Variants in SLC22A16 observed in about 807,000 individuals in gnomAD.
SLC22A16 encodes solute carrier family 22 member 16, also known as WUGSC:RG331P03.1.
A neutral mutation model predicts 52.9 loss-of-function variants in SLC22A16; 53 were observed. The ratio of observed to expected loss-of-function variants is 1.00; its 90% confidence interval spans 0.80 to 1.26. The LOEUF (loss-of-function observed/expected upper bound fraction) is 1.26, where lower values mean the gene tolerates loss of function less well. Ranked by LOEUF, SLC22A16 falls within the 50% of genes most tolerant of loss-of-function variation. The probability of loss-of-function intolerance (pLI) is 0.00; values close to 1 mark genes in which losing one functional copy is unlikely to be tolerated. For missense variants in SLC22A16, 726 were observed against 704.0 expected (o/e 1.03, Z -0.35); for synonymous variants, 291 against 268.8 (o/e 1.08, Z -0.81).
chr6:110,452,615 G>T (rs1368108820), intron 2 of SLC22A16, among the ~76,000 whole-genome samples: 2 of 152,130 alleles, frequency 1.3e-5, no homozygotes, highest in Non-Finnish European at 2.9e-5. Flanking sequence ...CAGGAGAATT[G>T]CTTGAGCCCA....
rs555935869 is a variant in SLC22A16, at chr6:110,456,652, G to A, written c.419C>T (p.Ala140Val). ...IYDQNTWKST[A>V]VTQWNLVCDR... ...ACAGACCAGGTTCCACTGGGTCACC[G>A]CAGTGCTTTTCCATGTGTTCTGGTC... The change falls in exon 2 of 8, where the codon GCG (alanine) becomes GTG (valine). Residue 140 changes from alanine (A) to valine (V), a missense_variant. Coordinates refer to ENST00000368919, the MANE Select transcript of SLC22A16 (RefSeq NM_033125.4). 3.6e-4 allele frequency: 577 copies of A among 1,614,138 alleles called. 7 individuals are homozygous for A. In the South Asian group the frequency reaches 4.0e-3, roughly 11 times the overall value.
intron 1 of SLC22A16, among the ~76,000 whole-genome samples, chr6:110,464,056 C>A (rs1264405017): frequency 6.6e-6 from 1 of 151,818 alleles, no homozygotes; most frequent in Non-Finnish European, 1.5e-5. Flanking sequence ...TTTGGGTAAA[C>A]CATAAAATCA....
intron 1 of SLC22A16, among the ~76,000 whole-genome samples, chr6:110,463,272 T>C (rs185524388): frequency 1.7e-3 from 265 of 151,944 alleles, no homozygotes; most frequent in African/African-American, 6.1e-3. Flanking sequence ...ACCTCACATA[T>C]CATTATTAAC....
In SLC22A16 at chr6:110,454,811, T is replaced by TATAATATATATA. The variant is rs1775557586; in HGVS notation, c.533+1726_533+1727insTATATATATTAT. 3.5e-3 allele frequency among the ~76,000 whole-genome samples: 68 copies of TATAATATATATA among 19,380 alleles called. 4 individuals are homozygous for TATAATATATATA. The highest frequency in any genetic ancestry group is 5.9e-3 in the Admixed American group (7 of 1,182). The allele number at this position is 19,380 out of a possible 152,430, so 12.7% of individuals were successfully genotyped here. A position where few individuals can be genotyped will look rare whatever the true frequency, so the allele number is the denominator to read the frequency against. Reference sequence around the variant, plus strand: ...ATATAAATATATATAATATATATATTATATATGTTATATTATATAATATAT... The same window carrying TATAATATATATA: ...ATATAAATATATATAATATATATATTATAATATATATAATATATGTTATATTATATAATATAT... On this transcript the variant is annotated intron_variant, in intron 2 of 7. Transcript: ENST00000368919.
intron 2 of SLC22A16, among the ~76,000 whole-genome samples, chr6:110,452,855 T>A (rs989406457): frequency 1.3e-5 from 2 of 152,226 alleles, no homozygotes; most frequent in Non-Finnish European, 2.9e-5. Context: ...GTTGATTGTA[T>A]GAATTTTGTC....
At chr6:110,450,611 C>CTTCTCA (rs1775340056) in intron 2 of SLC22A16, among the ~76,000 whole-genome samples, 1 of 48,734 alleles carries the variant, frequency 2.1e-5, no homozygotes, top group African/African-American at 7.0e-5. Flanking sequence ...GACATCTTCT[C>CTTCTCA]AAAAAAAAAA....
chr6:110,443,608 C>A (rs1056628740), intron 3 of SLC22A16, among the ~76,000 whole-genome samples: 1 of 152,010 alleles, frequency 6.6e-6, no homozygotes, highest in African/African-American at 2.4e-5. Context: ...AATGGCACAG[C>A]CTCTAGGAAA....
At chr6:110,455,160 T>G (rs978261824) in intron 2 of SLC22A16, among the ~76,000 whole-genome samples, 23 of 149,434 alleles carry the variant, frequency 1.5e-4, no homozygotes, top group Middle Eastern at 6.8e-3. Flanking sequence ...ACTAAATTTA[T>G]TTTCAGTTAA....
chr6:110,438,672 C>G (rs780455585), intron 5 of SLC22A16, 48 bp downstream of exon 5: 8 of 1,571,570 alleles, frequency 5.1e-6, no homozygotes, highest in Non-Finnish European at 6.9e-6. Context: ...TTCTTCCCAT[C>G]AAACTGTCAC....
intron 2 of SLC22A16, among the ~76,000 whole-genome samples, chr6:110,454,663 ATATT>A (rs1161876780): frequency 2.2e-5 from 1 of 45,380 alleles, no homozygotes; most frequent in African/African-American, 1.6e-4. Flanking sequence ...TATATTATAT[ATATT>A]TATATATATT....
rs186199147 is a variant in SLC22A16, at chr6:110,451,139, T to C, written c.534-4149A>G. Among the ~76,000 whole-genome samples the C allele has an allele frequency of 4.5e-4, 68 of 152,364 alleles. 1 individual carries two copies. The East Asian group carries it at 0.012, about 28-fold the overall frequency. ...ATTCATCTATGTTGTTTCATGTAGC[T>C]GTGTCTCATTCATTTTCATGTCCAC... On this transcript the variant is annotated intron_variant, in intron 2 of 7. Transcript: ENST00000368919.
At chr6:110,470,774 C>A (rs984457809) in intron 1 of SLC22A16, among the ~76,000 whole-genome samples, 2 of 152,118 alleles carry the variant, frequency 1.3e-5, no homozygotes, top group Non-Finnish European at 2.9e-5. Context: ...TCTTAGCAAT[C>A]GTGATTCAGG....
At chr6:110,436,439 ACATAGCAAGACCC>A (rs1477960991) in intron 5 of SLC22A16, among the ~76,000 whole-genome samples, 1 of 152,194 alleles carries the variant, frequency 6.6e-6, no homozygotes, top group African/African-American at 2.4e-5. Context: ...AGCCAGGGCA[ACATAGCAAGACCC>A]CATTTCTACA....
At position 110,431,285 on chromosome 6, in the gene SLC22A16, G is replaced by C; in HGVS notation, c.1422-15C>G. On this transcript the variant is annotated splice_polypyrimidine_tract_variant and intron_variant, in intron 6 of 7. Coordinates refer to ENST00000368919, the MANE Select transcript of SLC22A16 (RefSeq NM_033125.4). ...CAGCCAGCGATCTGGAAACAGAGGA[G>C]AGAGGCTGAGACAAGTAAGGCACAA... The C allele has an allele frequency of 1.2e-6, 2 of 1,607,828 alleles. No individual in the cohort carries two copies. Among genetic ancestry groups the C allele is most frequent in the Non-Finnish European group, 1.7e-6 (2 of 1,177,980 alleles).
chr6:110,424,810 C>T lies in SLC22A16; in HGVS notation c.*63G>A, dbSNP rs1280639905. 5.1e-6 allele frequency: 8 copies of T among 1,567,906 alleles called. No homozygotes were observed. The highest frequency in any genetic ancestry group is 7.0e-6 in the Non-Finnish European group (8 of 1,143,028). ...ACATATGGGAGATGAGAATAAGATT[C>T]CTCTAATACAAAGGCATTAGGGTAA... On this transcript the variant is annotated 3_prime_UTR_variant, in exon 8 of 8. Coordinates refer to ENST00000368919, the MANE Select transcript of SLC22A16 (RefSeq NM_033125.4).
intron 1 of SLC22A16, among the ~76,000 whole-genome samples, chr6:110,472,636 T>C (rs749767012): frequency 6.6e-6 from 1 of 152,050 alleles, no homozygotes; most frequent in Non-Finnish European, 1.5e-5. Flanking sequence ...AATAACCTCT[T>C]GAAAAAAAAC....
intron 1 of SLC22A16, among the ~76,000 whole-genome samples, chr6:110,469,255 G>A (rs528679592): frequency 3.9e-5 from 6 of 152,258 alleles, no homozygotes; most frequent in South Asian, 2.1e-4. Flanking sequence ...TAGGCCGGGC[G>A]CAGTGGCTCA....
intron 1 of SLC22A16, among the ~76,000 whole-genome samples, chr6:110,462,009 A>C (rs1284093699): frequency 1.3e-5 from 2 of 152,214 alleles, no homozygotes; most frequent in East Asian, 3.8e-4. Flanking sequence ...GCAGAAGGCA[A>C]GGAGGAGCAA....
At chr6:110,434,167 G>A (rs534347303) in intron 6 of SLC22A16, among the ~76,000 whole-genome samples, 1 of 152,228 alleles carries the variant, frequency 6.6e-6, no homozygotes, top group South Asian at 2.1e-4. Flanking sequence ...CTGAACCTGG[G>A]AGGTAAGGTT....
Sources: gnomAD v4.1 joint callset for allele counts (sites outside exome capture counted in the v4.1 genomes callset) on GRCh38, gnomAD v4.1.1 for gene constraint, MANE v1.5 for transcripts, NCBI Gene and HGNC (gene_info 2026-07-23, HGNC 2026-07-21) for gene names.